Variants in VWF observed in about 807,000 individuals in gnomAD.
The protein encoded by VWF is von Willebrand factor.
Under a neutral mutation model 308.6 loss-of-function variants are expected in VWF, and 176 were observed. The observed-to-expected ratio is 0.57, with a 90% CI of 0.50 to 0.65. The LOEUF is 0.65. VWF is among the 30% of genes least tolerant of loss of function. The pLI, the probability that VWF is intolerant of heterozygous loss-of-function variation, is 0.00. For synonymous variants in VWF, 1,385 were observed against 1,443.4 expected, an observed-to-expected ratio of 0.96 and a Z score of 0.92; for missense variants, 3,146 against 3,648.2, an observed-to-expected ratio of 0.86 and a Z score of 3.55.
chr12:5,990,650 A>C (rs930108625), intron 38 of VWF, among the ~76,000 whole-genome samples: 1 of 151,996 alleles, frequency 6.6e-6, no homozygotes, highest in Admixed American at 6.5e-5. Context: ...ATATGCTTCT[A>C]TCTCTACCAC....
chr12:6,072,754 T>C (rs1055011834), intron 8 of VWF, among the ~76,000 whole-genome samples: 5 of 152,184 alleles, frequency 3.3e-5, no homozygotes, highest in African/African-American at 9.6e-5. Context: ...TAATGCAACG[T>C]GAGAGGGAGA....
chr12:6,052,930 C>T, intron 15 of VWF, 147 bp from the exon 16 acceptor site: 2 of 1,262,916 alleles, frequency 1.6e-6, no homozygotes, highest in Admixed American at 2.4e-5. Flanking sequence ...CTTGCAATTA[C>T]AAGAAGTAAT....
intron 5 of VWF, among the ~76,000 whole-genome samples, chr12:6,099,724 C>T (rs2136505823): frequency 6.6e-6 from 1 of 151,922 alleles, no homozygotes; most frequent in East Asian, 1.9e-4. Flanking sequence ...TTCCTTACAC[C>T]TTATACAAAA....
rs1945218548 is a variant in VWF, at chr12:6,104,490, A to G, written c.532+5884T>C. On this transcript the variant is annotated intron_variant, in intron 5 of 51. Transcript: ENST00000261405. The stretch of plus-strand genomic sequence containing the variant: ...ATCACGAGGTCAGGAGTTTGAGACC[A>G]GCCTGGCCAACATGGTGAAACCCCG... 2.0e-5 allele frequency among the ~76,000 whole-genome samples: 3 copies of G among 152,078 alleles called. No homozygotes were observed. The South Asian group carries it at 6.2e-4, about 32-fold the overall frequency.
intron 6 of VWF, among the ~76,000 whole-genome samples, chr12:6,083,205 TG>T (rs1324051873): frequency 7.5e-6 from 1 of 132,758 alleles, no homozygotes; most frequent in African/African-American, 2.8e-5. Flanking sequence ...TTAGTAGAGA[TG>T]GGGTTTTGCC....
At chr12:6,122,015 T>C (rs1945437922) in intron 2 of VWF, among the ~76,000 whole-genome samples, 1 of 152,240 alleles carries the variant, frequency 6.6e-6, no homozygotes, top group Non-Finnish European at 1.5e-5. Context: ...TGATTAGAGT[T>C]AACATTTCAA....
chr12:6,005,209 CT>C (rs1943912572), intron 34 of VWF, among the ~76,000 whole-genome samples: 1 of 152,066 alleles, frequency 6.6e-6, no homozygotes, highest in African/African-American at 2.4e-5. Context: ...GGTATTTCCT[CT>C]TAATTAAGAC....
At chr12:5,987,791 A>C (rs1282969575) in intron 38 of VWF, among the ~76,000 whole-genome samples, 1 of 152,210 alleles carries the variant, frequency 6.6e-6, no homozygotes, top group Non-Finnish European at 1.5e-5. Flanking sequence ...CAGAAAATGT[A>C]AACGAATCTA....
At chr12:6,097,130 C>G (rs577634551) in intron 5 of VWF, among the ~76,000 whole-genome samples, 1 of 152,130 alleles carries the variant, frequency 6.6e-6, no homozygotes, top group Non-Finnish European at 1.5e-5. Context: ...ATGCAATCAC[C>G]TGTATCCTTA....
chr12:6,044,229 C>CA, intron 18 of VWF, 62 bp downstream of exon 18: 1 of 1,602,300 alleles, frequency 6.2e-7, no homozygotes, highest in Non-Finnish European at 8.5e-7. Context: ...ACAGCCCCCT[C>CA]ACTCATCCCT....
intron 6 of VWF, among the ~76,000 whole-genome samples, chr12:6,080,752 A>G (rs138894301): frequency 6.6e-6 from 1 of 152,232 alleles, no homozygotes; most frequent in Non-Finnish European, 1.5e-5. Context: ...TCATAATCCA[A>G]ACCCAACCAA....
chr12:6,016,994 C>T (rs572999405), intron 28 of VWF, 124 bp from the exon 29 acceptor site: 28 of 1,028,868 alleles, frequency 2.7e-5, no homozygotes, highest in Middle Eastern at 2.4e-4. Context: ...CCAAGGGGGG[C>T]GGGGGGTGCC....
At chr12:5,971,362 T>TC (rs1380641999) in intron 44 of VWF, among the ~76,000 whole-genome samples, 2 of 152,060 alleles carry the variant, frequency 1.3e-5, no homozygotes, top group Admixed American at 6.5e-5. Flanking sequence ...AGAGCATGAA[T>TC]CCCCCTGGGA....
chr12:5,973,832 C>A (rs1344831790), intron 43 of VWF, among the ~76,000 whole-genome samples: 1 of 152,174 alleles, frequency 6.6e-6, no homozygotes, highest in Non-Finnish European at 1.5e-5. Flanking sequence ...GGTGAGGAGT[C>A]AGATGGCCAT....
chr12:6,032,375 C>T (rs1436954319), intron 20 of VWF, among the ~76,000 whole-genome samples: 27 of 150,482 alleles, frequency 1.8e-4, no homozygotes, highest in Non-Finnish European at 7.4e-5. Flanking sequence ...CATGGTGGCC[C>T]ACGCCTGTAA....
At chr12:5,955,338 C>G (rs913944940) in intron 47 of VWF, among the ~76,000 whole-genome samples, 2 of 152,016 alleles carry the variant, frequency 1.3e-5, no homozygotes, top group East Asian at 1.9e-4. Flanking sequence ...TTTAGCATTA[C>G]GTATATCTCC....
Position 5,981,990 on chromosome 12 carries a change from G to C in VWF, c.7083C>G (p.Ala2361=), listed in dbSNP as rs557817663. ...CTCTTTTGCACTCCTCCTTCCTGCA[G>C]GCTGAGGGTAGGACAAGGCCACACT... ...PGECRPNFTC[A]CRKEECKRVS... The change falls in exon 42 of 52, where the codon GCC becomes GCG. Residue 2361 remains alanine (A), a splice_region_variant and synonymous_variant. Coordinates refer to ENST00000261405, the MANE Select transcript of VWF (RefSeq NM_000552.5). The C allele has an allele frequency of 1.5e-4, 242 of 1,613,468 alleles. 1 individual carries two copies. In the South Asian group the frequency reaches 2.2e-3, roughly 15 times the overall value.
chr12:5,948,895 C>T lies in VWF; in HGVS notation c.*120G>A, dbSNP rs1259028118. 8.2e-7 allele frequency: 1 copy of T among 1,217,762 alleles called. No homozygotes were observed. Among genetic ancestry groups the T allele is most frequent in the Admixed American group, 2.0e-5 (1 of 50,384 alleles). The allele number at this position is 1,217,762 out of a possible 1,614,324, so 75.4% of individuals were successfully genotyped here. On this transcript the variant is annotated 3_prime_UTR_variant, in exon 52 of 52. Coordinates refer to ENST00000261405, the MANE Select transcript of VWF (RefSeq NM_000552.5). This position sits in a 1 kb window ranked among gnomAD's most constrained non-coding sequence, Gnocchi z 4.4. Reference sequence around the variant, plus strand: ...AGCAGCCTTTTGCAAGATAAGAGCTCAGCCTTTATTGTGGGCTCAGAAGGG... The same window carrying T: ...AGCAGCCTTTTGCAAGATAAGAGCTTAGCCTTTATTGTGGGCTCAGAAGGG...
chr12:6,056,561 A>G (rs1003795450), intron 15 of VWF, among the ~76,000 whole-genome samples: 5 of 152,172 alleles, frequency 3.3e-5, no homozygotes, highest in African/African-American at 1.2e-4. Flanking sequence ...ACTAGGTGGC[A>G]GCGGCCACGG....
Sources: gnomAD v4.1 joint callset for allele counts (sites outside exome capture counted in the v4.1 genomes callset) on GRCh38, gnomAD v4.1.1 for gene constraint, Gnocchi (gnomAD v3.1) non-coding constraint, MANE v1.5 for transcripts, NCBI Gene and HGNC (gene_info 2026-07-23, HGNC 2026-07-21) for gene names.